The following SPRED2 variants were observed in gnomAD, a reference collection of about 807,000 sequenced individuals.
The protein encoded by SPRED2 is sprouty related EVH1 domain containing 2, also known as sprouty-related, EVH1 domain-containing protein 2.
In SPRED2, 47 loss-of-function variants were observed where a neutral mutation model predicts 43.0. The ratio of observed to expected loss-of-function variants is 1.09; its 90% CI spans 0.87 to 1.40. The LOEUF (loss-of-function observed/expected upper bound fraction) is 1.40. SPRED2 is among the 40% of genes most tolerant of loss of function. SPRED2 has a pLI of 0.00. For synonymous variants in SPRED2, 225 were observed against 225.7 expected (o/e 1.00, Z 0.03); for missense variants, 561 against 586.4 (o/e 0.96, Z 0.45).
chr2:65,377,586 G>A (rs1318793677), intron 1 of SPRED2: 1 of 471,186 alleles, frequency 2.1e-6, no homozygotes, highest in South Asian at 1.5e-5. Context: ...GAGGTGGTAG[G>A]TGTTACCTCA....
chr2:65,356,796 A>C (rs926915778), intron 1 of SPRED2, among the ~76,000 whole-genome samples: 1 of 152,050 alleles, frequency 6.6e-6, no homozygotes, highest in African/African-American at 2.4e-5. Context: ...GTTCCAGACC[A>C]ACCTGGCCAA....
chr2:65,431,285 C>T (rs2103829414), intron 1 of SPRED2, among the ~76,000 whole-genome samples: 1 of 151,750 alleles, frequency 6.6e-6, no homozygotes, highest in South Asian at 2.1e-4. Context: ...CTCGGTCCGC[C>T]CCGAGCCGCC....
intron 1 of SPRED2, among the ~76,000 whole-genome samples, chr2:65,431,725 C>T (rs1055367925): frequency 2.0e-5 from 3 of 152,126 alleles, no homozygotes; most frequent in Non-Finnish European, 2.9e-5. Flanking sequence ...ACGCCCTTGG[C>T]CCCCGGAGCT....
chr2:65,370,922 C>T (rs1273264224), intron 1 of SPRED2, among the ~76,000 whole-genome samples: 2 of 152,146 alleles, frequency 1.3e-5, no homozygotes, highest in Non-Finnish European at 2.9e-5. Flanking sequence ...CCACACATGT[C>T]CCCAGAGGTT....
At chr2:65,409,001 T>C (rs777825212) in intron 1 of SPRED2, among the ~76,000 whole-genome samples, 1 of 152,206 alleles carries the variant, frequency 6.6e-6, no homozygotes, top group Non-Finnish European at 1.5e-5. Context: ...AAGTCACAGA[T>C]GTCATTTACA....
At chr2:65,328,940 G>T (rs111276845) in intron 4 of SPRED2, among the ~76,000 whole-genome samples, 47 of 152,196 alleles carry the variant, frequency 3.1e-4, no homozygotes, top group Non-Finnish European at 6.5e-4. Flanking sequence ...ATGAAACCTT[G>T]ATAAGTACAA....
At chr2:65,431,907 G>A in intron 1 of SPRED2, 55 bp downstream of exon 1, 2 of 1,405,512 alleles carry the variant, frequency 1.4e-6, no homozygotes, top group African/African-American at 1.4e-5. Context: ...CCTCAGCCCC[G>A]GCCCCCACGC....
At chr2:65,426,974 T>A (rs1213032134) in intron 1 of SPRED2, among the ~76,000 whole-genome samples, 1 of 152,228 alleles carries the variant, frequency 6.6e-6, no homozygotes, top group Non-Finnish European at 1.5e-5. Flanking sequence ...TCACTAGCTG[T>A]TCAGCCTTGC....
At chr2:65,377,378 C>A in intron 1 of SPRED2, among the ~76,000 whole-genome samples, 2 of 152,256 alleles carry the variant, frequency 1.3e-5, no homozygotes, top group Middle Eastern at 6.8e-3. Context: ...ATGATGCATA[C>A]GTGGTAGCAC....
At chr2:65,321,504 TAAAA>T (rs70943644) in intron 4 of SPRED2, among the ~76,000 whole-genome samples, 5,480 of 55,814 alleles carry the variant, frequency 0.098, 199 homozygotes, top group African/African-American at 0.2. Flanking sequence ...AGACCCTGTC[TAAAA>T]AAAAAAAAAA....
At chr2:65,355,229 C>G (rs1674614819) in intron 1 of SPRED2, among the ~76,000 whole-genome samples, 1 of 152,124 alleles carries the variant, frequency 6.6e-6, no homozygotes, top group South Asian at 2.1e-4. Flanking sequence ...AGTTAGGGGC[C>G]TCTGTATCAG....
chr2:65,320,940 A>T (rs1440554595), intron 4 of SPRED2, among the ~76,000 whole-genome samples: 1 of 152,172 alleles, frequency 6.6e-6, no homozygotes, highest in African/African-American at 2.4e-5. Context: ...AGATTCTTAA[A>T]CATCTCTCTG....
Position 65,313,709 on chromosome 2 carries a change from AGCAT to A in SPRED2, c.1045_1048del (p.Met349SerfsTer56). Reference sequence around the variant, plus strand: ...CTCGGGGTCCGACATACAGTGATAGAGCATGCTGTCCGCGCACCACATGCAGCTC... The same window carrying A: ...CTCGGGGTCCGACATACAGTGATAGAGCTGTCCGCGCACCACATGCAGCTC... On this transcript the variant is annotated frameshift_variant, in exon 6 of 6. Coordinates refer to ENST00000356388, the MANE Select transcript of SPRED2 (RefSeq NM_181784.3). LOFTEE classifies it high-confidence loss of function. 1 of 1,614,130 alleles carries A rather than the reference AGCAT, an allele frequency of 6.2e-7. No individual in the cohort carries two copies. Among genetic ancestry groups the A allele is most frequent in the African/African-American group, 1.3e-5 (1 of 75,038 alleles).
chr2:65,401,786 C>A (rs574914598), intron 1 of SPRED2, among the ~76,000 whole-genome samples: 3 of 150,826 alleles, frequency 2.0e-5, no homozygotes, highest in Non-Finnish European at 4.4e-5. Flanking sequence ...GGCGACAGAG[C>A]CAGACTCTGT....
chr2:65,307,549 CA>C (rs55812957), downstream of SPRED2, among the ~76,000 whole-genome samples: 2,469 of 104,106 alleles, frequency 0.024, 55 homozygotes, highest in East Asian at 0.11. Context: ...AACCCCTTCT[CA>C]AAAAAAAAAA....
At chr2:65,328,684 C>T (rs1275626659) in intron 4 of SPRED2, among the ~76,000 whole-genome samples, 4 of 152,130 alleles carry the variant, frequency 2.6e-5, no homozygotes, top group Non-Finnish European at 5.9e-5. Flanking sequence ...GGTTTTGAGT[C>T]CAAAGCACAG....
At chr2:65,419,595 GTGTGTGTGTGTGT>G (rs1462657911) in intron 1 of SPRED2, among the ~76,000 whole-genome samples, 3 of 151,650 alleles carry the variant, frequency 2.0e-5, no homozygotes, top group African/African-American at 7.3e-5. Flanking sequence ...GTGTGTGTGT[GTGTGTGTGTGTGT>G]GTGTGTGTGT....
intron 1 of SPRED2, among the ~76,000 whole-genome samples, chr2:65,365,989 G>GT (rs1177010829): frequency 6.6e-6 from 1 of 151,754 alleles, no homozygotes; most frequent in Non-Finnish European, 1.5e-5. Flanking sequence ...CCTAGAAAAA[G>GT]TTAATGCATG....
At chr2:65,401,441 C>T (rs1572894854) in intron 1 of SPRED2, among the ~76,000 whole-genome samples, 2 of 152,070 alleles carry the variant, frequency 1.3e-5, no homozygotes, top group South Asian at 4.1e-4. Context: ...GTTGCCATGT[C>T]TCATACCATT....
Sources: allele counts gnomAD v4.1 joint callset (sites outside exome capture counted in the v4.1 genomes callset), GRCh38; gene constraint gnomAD v4.1.1; transcripts MANE v1.5; gene names NCBI Gene and HGNC (gene_info 2026-07-23, HGNC 2026-07-21).